ABLIM2: variants seen among roughly 807,000 people sequenced by gnomAD.
ABLIM2 encodes the protein actin-binding LIM protein 2.
A neutral mutation model predicts 97.7 loss-of-function variants in ABLIM2; 53 were observed. That is an observed-to-expected ratio of 0.54 (90% confidence interval 0.44 to 0.68). The LOEUF is 0.68. Ranked by LOEUF, ABLIM2 falls within the 30% of genes least tolerant of loss-of-function variation. The probability of loss-of-function intolerance (pLI) is 0.00; values close to 1 mark genes in which losing one functional copy is unlikely to be tolerated. For synonymous variants in ABLIM2, 361 were observed against 345.8 expected, an observed-to-expected ratio of 1.04 and a Z score of -0.49; for missense variants, 835 against 867.2, an observed-to-expected ratio of 0.96 and a Z score of 0.47.
intron 1 of ABLIM2, among the ~76,000 whole-genome samples, chr4:8,118,641 C>G (rs1212405806): frequency 6.6e-6 from 1 of 151,962 alleles, no homozygotes; most frequent in African/African-American, 2.4e-5. Context: ...TGGTACCCAC[C>G]TGGTTGCCTG....
In ABLIM2 at chr4:8,087,505, G is replaced by A. The variant is rs987146408; in HGVS notation, c.454+664C>T. Among the ~76,000 whole-genome samples, 8 of 152,194 alleles carry A rather than the reference G, an allele frequency of 5.3e-5. No homozygotes were observed. The highest frequency in any genetic ancestry group is 1.4e-4 in the African/African-American group (6 of 41,456). ...AGTGAACCCAAGGGCCCCTGACTGCGGGAGCCCGGAGCTCAGTGTTCCTCT... is the reference window on the plus strand; with the variant it reads ...AGTGAACCCAAGGGCCCCTGACTGCAGGAGCCCGGAGCTCAGTGTTCCTCT... On this transcript the variant is annotated intron_variant, in intron 4 of 20. Transcript: ENST00000447017. The surrounding 1 kb of genome is among the most constrained non-coding windows in gnomAD (Gnocchi z 4.6).
chr4:8,051,730 C>A (rs1579869430), intron 8 of ABLIM2, among the ~76,000 whole-genome samples: 1 of 152,300 alleles, frequency 6.6e-6, no homozygotes, highest in South Asian at 2.1e-4. Context: ...CATGGCGATT[C>A]CTGTGGCCTT....
chr4:8,154,184 C>T (rs112164484), intron 1 of ABLIM2, among the ~76,000 whole-genome samples: 65 of 148,406 alleles, frequency 4.4e-4, no homozygotes, highest in African/African-American at 1.1e-3. Context: ...GGATGGTCTC[C>T]ATCTCCTGAC....
At chr4:8,114,558 CG>C (rs1841974833) in intron 1 of ABLIM2, among the ~76,000 whole-genome samples, 1 of 152,144 alleles carries the variant, frequency 6.6e-6, no homozygotes, top group South Asian at 2.1e-4. Context: ...GGATCACAGG[CG>C]GGCACTTCCT....
At chr4:8,024,845 G>T (rs571505764) in intron 12 of ABLIM2, among the ~76,000 whole-genome samples, 5 of 152,340 alleles carry the variant, frequency 3.3e-5, no homozygotes, top group African/African-American at 1.2e-4. Flanking sequence ...ACAGCCAGGG[G>T]AGTCTAGTAG....
In ABLIM2 at chr4:8,082,809, C is replaced by A. The variant is rs1049908709; in HGVS notation, c.455-2007G>T. ...CTCCGCCCTTCTCAAGTCCAGGAGG[C>A]GACCCCCACATCACCCAATCTGCCG... On this transcript the variant is annotated intron_variant, in intron 4 of 20. Transcript: ENST00000447017. This position sits in a 1 kb window ranked among gnomAD's most constrained non-coding sequence, Gnocchi z 5.6. Among the ~76,000 whole-genome samples the A allele has an allele frequency of 6.6e-6, 1 of 152,284 alleles. No homozygotes were observed. The highest frequency in any genetic ancestry group is 2.1e-4 in the South Asian group (1 of 4,824).
chr4:8,072,452 T>A lies in ABLIM2; in HGVS notation c.675+5176A>T, dbSNP rs1233918712. 6.6e-6 allele frequency among the ~76,000 whole-genome samples: 1 copy of A among 152,148 alleles called. No homozygotes were observed. Among genetic ancestry groups the A allele is most frequent in the African/African-American group, 2.4e-5 (1 of 41,438 alleles). On this transcript the variant is annotated intron_variant, in intron 6 of 20. Coordinates refer to ENST00000447017, the MANE Select transcript of ABLIM2 (RefSeq NM_001130083.2). The surrounding 1 kb of genome is among the most constrained non-coding windows in gnomAD (Gnocchi z 5.8). ...TCTCTGGTGTGGGGGCTGCTGCCCA[T>A]GGGTGTCAGAAACGCGGGGCAGGTG...
rs190697067 is a variant in ABLIM2 at position 8,017,304 on chromosome 4, T to A, written c.1423+2314A>T. Among the ~76,000 whole-genome samples, 1,112 of 149,590 alleles carry A rather than the reference T, an allele frequency of 7.4e-3. 5 individuals are homozygous for A. Among genetic ancestry groups the A allele is most frequent in the African/African-American group, 0.012 (460 of 39,766 alleles). ...ATTTATTATTATTATTATTATTATT[T>A]TTTTTTTTCAGAGAGAGTCTCACTC... is the stretch of plus-strand genomic sequence containing the variant. On this transcript the variant is annotated intron_variant, in intron 14 of 20. Transcript: ENST00000447017.
intron 17 of ABLIM2, among the ~76,000 whole-genome samples, chr4:7,985,603 C>T (rs774030970): frequency 6.6e-6 from 1 of 152,164 alleles, no homozygotes; most frequent in Non-Finnish European, 1.5e-5. Flanking sequence ...GGCAGCTCTG[C>T]GTGTGACTGT....
At chr4:7,980,266 T>C (rs1432349559) in intron 20 of ABLIM2, among the ~76,000 whole-genome samples, 1 of 152,130 alleles carries the variant, frequency 6.6e-6, no homozygotes, top group Non-Finnish European at 1.5e-5. Flanking sequence ...CAGGCACAAC[T>C]GATAACATTA....
At chr4:8,118,616 C>A (rs1843830583) in intron 1 of ABLIM2, among the ~76,000 whole-genome samples, 1 of 152,184 alleles carries the variant, frequency 6.6e-6, no homozygotes, top group Non-Finnish European at 1.5e-5. Context: ...AGCCCCTAAA[C>A]CAGCACTCTA....
In ABLIM2 at chr4:8,019,212, T is replaced by C. The variant is rs564636514; in HGVS notation, c.1423+406A>G. Among the ~76,000 whole-genome samples the C allele has an allele frequency of 5.9e-5, 9 of 152,334 alleles. No individual in the cohort carries two copies. The highest frequency in any genetic ancestry group is 1.3e-4 in the Admixed American group (2 of 15,304). On this transcript the variant is annotated intron_variant, in intron 14 of 20. Coordinates refer to ENST00000447017, the MANE Select transcript of ABLIM2 (RefSeq NM_001130083.2). The surrounding 1 kb of genome is among the most constrained non-coding windows in gnomAD (Gnocchi z 4.3). Reference sequence around the variant, plus strand: ...GTCTCCCTGAGGAATAAACGACCGATTCAAGTTTGTTCTATATTCCAAAGA... The same window carrying C: ...GTCTCCCTGAGGAATAAACGACCGACTCAAGTTTGTTCTATATTCCAAAGA...
At chr4:8,110,016 G>A (rs545120077) in intron 1 of ABLIM2, among the ~76,000 whole-genome samples, 1 of 152,334 alleles carries the variant, frequency 6.6e-6, no homozygotes, top group East Asian at 1.9e-4. Flanking sequence ...AGGCTTTCTG[G>A]GCTGGAATCG....
chr4:7,975,906 C>T (rs771899113), intron 20 of ABLIM2, among the ~76,000 whole-genome samples: 3 of 152,170 alleles, frequency 2.0e-5, no homozygotes, highest in Admixed American at 2.0e-4. Context: ...ACACCTTTCT[C>T]GGATCACGCT....
In ABLIM2 at chr4:7,992,899, G is replaced by A; in HGVS notation, c.1647C>T (p.Leu549=). 1 of 1,613,258 alleles carries A rather than the reference G, an allele frequency of 6.2e-7. No individual in the cohort carries two copies. The highest frequency in any genetic ancestry group is 1.1e-5 in the South Asian group (1 of 90,874). The change falls in exon 17 of 21, where the codon CTC becomes CTT. Residue 549 remains leucine, a synonymous_variant. Coordinates refer to ENST00000447017, the MANE Select transcript of ABLIM2 (RefSeq NM_001130083.2). The surrounding 1 kb of genome is among the most constrained non-coding windows in gnomAD (Gnocchi z 5.7). The part of the protein sequence containing the change: ...SRFPYSKSDP[L]PGHGKNGLDQ... ...CCAAGCCATTCTTTCCATGTCCTGGGAGAGGGTCAGATTTGGAATAGGGGA... is the reference window on the plus strand; with the variant it reads ...CCAAGCCATTCTTTCCATGTCCTGGAAGAGGGTCAGATTTGGAATAGGGGA...
chr4:8,059,945 G>A (rs1364462886), intron 7 of ABLIM2, among the ~76,000 whole-genome samples: 1 of 150,170 alleles, frequency 6.7e-6, no homozygotes, highest in Non-Finnish European at 1.5e-5. Context: ...AAACCCCAAA[G>A]CTGCCTCTTG....
At position 8,058,514 on chromosome 4, in the gene ABLIM2, G is replaced by A. The variant is rs1800808174; in HGVS notation, c.763+2453C>T. On this transcript the variant is annotated intron_variant, in intron 7 of 20. Coordinates refer to ENST00000447017, the MANE Select transcript of ABLIM2 (RefSeq NM_001130083.2). The surrounding 1 kb of genome is among the most constrained non-coding windows in gnomAD (Gnocchi z 4.2). ...CTGGCCTCTGGGAGCACTGGTGACAGAGAATCTTCAAAAGGGAGCTGTGGC... is the reference window on the plus strand; with the variant it reads ...CTGGCCTCTGGGAGCACTGGTGACAAAGAATCTTCAAAAGGGAGCTGTGGC... Among the ~76,000 whole-genome samples the A allele has an allele frequency of 6.6e-6, 1 of 152,234 alleles. No individual in the cohort carries two copies. Among genetic ancestry groups the A allele is most frequent in the Non-Finnish European group, 1.5e-5 (1 of 68,030 alleles).
intron 17 of ABLIM2, among the ~76,000 whole-genome samples, chr4:7,985,927 G>A (rs906161996): frequency 6.6e-6 from 1 of 152,248 alleles, no homozygotes. Context: ...ACCCCCACAG[G>A]GGTCGGGCAG....
intron 20 of ABLIM2, among the ~76,000 whole-genome samples, 193 bp downstream of exon 20, chr4:7,983,071 C>T (rs1740110474): frequency 6.6e-6 from 1 of 152,208 alleles, no homozygotes; most frequent in Non-Finnish European, 1.5e-5. Context: ...CTTTGCAAAG[C>T]CATCAAGGCT....
Sources: allele counts gnomAD v4.1 joint callset (sites outside exome capture counted in the v4.1 genomes callset), GRCh38; gene constraint gnomAD v4.1.1; non-coding constraint Gnocchi (gnomAD v3.1); transcripts MANE v1.5; gene names NCBI Gene and HGNC (gene_info 2026-07-23, HGNC 2026-07-21).